Variants in NDST3 observed in about 807,000 individuals in gnomAD.
NDST3 encodes bifunctional heparan sulfate N-deacetylase/N-sulfotransferase 3.
In NDST3, 58 loss-of-function variants were observed where a neutral mutation model predicts 96.1. The ratio of observed to expected loss-of-function variants is 0.60; its 90% CI spans 0.49 to 0.75. NDST3 has a LOEUF of 0.75. Among genes scored for constraint, NDST3 ranks in the 30% least tolerant of loss-of-function variants. The pLI is 0.00. For missense variants in NDST3, 788 were observed against 1,034.2 expected, an observed-to-expected ratio of 0.76 and a Z score of 3.27; for synonymous variants, 333 against 359.7, an observed-to-expected ratio of 0.93 and a Z score of 0.84.
At chr4:118,212,359 C>A (rs189544120) in intron 6 of NDST3, among the ~76,000 whole-genome samples, 14 of 151,936 alleles carry the variant, frequency 9.2e-5, no homozygotes, top group Non-Finnish European at 1.9e-4. Context: ...AGCAACATGG[C>A]GAAACCCCAT....
intron 6 of NDST3, among the ~76,000 whole-genome samples, chr4:118,152,863 C>G (rs562241861): frequency 3.0e-4 from 45 of 152,342 alleles, no homozygotes; most frequent in Middle Eastern, 3.4e-3. Flanking sequence ...ACTGCCTCGT[C>G]CGCTGGATTC....
intron 12 of NDST3, among the ~76,000 whole-genome samples, chr4:118,250,201 A>G (rs1741598677): frequency 1.3e-5 from 2 of 152,218 alleles, no homozygotes; most frequent in Non-Finnish European, 2.9e-5. Flanking sequence ...GCATTCGAGT[A>G]AAAACCTAGA....
chr4:118,241,999 A>G (rs2126007314), intron 11 of NDST3, 41 bp from the exon 12 acceptor site: 4 of 1,399,272 alleles, frequency 2.9e-6, no homozygotes, highest in Middle Eastern at 1.9e-4. Context: ...TACAGTTTAC[A>G]TGTCTTTTTT....
chr4:118,051,943 A>C (rs1477349646), intron 1 of NDST3, among the ~76,000 whole-genome samples: 1 of 152,146 alleles, frequency 6.6e-6, no homozygotes, highest in Non-Finnish European at 1.5e-5. Context: ...GTGGGAATGT[A>C]AACAAATTCA....
intron 11 of NDST3, among the ~76,000 whole-genome samples, chr4:118,241,421 A>G (rs1246082346): frequency 6.6e-6 from 1 of 152,230 alleles, no homozygotes; most frequent in African/African-American, 2.4e-5. Context: ...GTATGGATAG[A>G]CAAGACCTGC....
intron 6 of NDST3, 105 bp downstream of exon 6, chr4:118,143,789 G>A: frequency 7.9e-7 from 1 of 1,269,944 alleles, no homozygotes; most frequent in Non-Finnish European, 1.1e-6. Context: ...AAGCCAATAT[G>A]AAGTTCTAGC....
intron 3 of NDST3, among the ~76,000 whole-genome samples, chr4:118,111,187 A>T (rs1229824177): frequency 6.6e-6 from 1 of 152,294 alleles, no homozygotes; most frequent in Non-Finnish European, 1.5e-5. Context: ...GGAGAAGAGT[A>T]AAGGTTGAAA....
Position 118,242,161 on chromosome 4 carries a change from T to C in NDST3, c.2399+12T>C. 2.0e-6 allele frequency: 3 copies of C among 1,504,440 alleles called. No homozygotes were observed. Among genetic ancestry groups the C allele is most frequent in the Non-Finnish European group, 2.8e-6 (3 of 1,090,342 alleles). The allele number at this position is 1,504,440 out of a possible 1,614,324, so 93.2% of individuals were successfully genotyped here. A position where few individuals can be genotyped will look rare whatever the true frequency, so the allele number is the denominator to read the frequency against. ...TCAGAAGCTTTAACGTAAGTTTATA[T>C]TCTAATTAGTTTATTGACATTTCAG... On this transcript the variant is annotated intron_variant, in intron 12 of 13. Transcript: ENST00000296499.
intron 6 of NDST3, among the ~76,000 whole-genome samples, chr4:118,159,121 A>G (rs2125923242): frequency 6.6e-6 from 1 of 152,280 alleles, no homozygotes; most frequent in East Asian, 1.9e-4. Flanking sequence ...TACATTGAAC[A>G]TTTAGGCTTT....
intron 2 of NDST3, among the ~76,000 whole-genome samples, chr4:118,064,112 G>C (rs1352257230): frequency 1.3e-5 from 2 of 152,176 alleles, no homozygotes; most frequent in African/African-American, 4.8e-5. Context: ...CATAGTGACA[G>C]CATAGTGACA....
intron 6 of NDST3, among the ~76,000 whole-genome samples, chr4:118,156,385 T>A (rs867785345): frequency 1.3e-5 from 2 of 152,186 alleles, no homozygotes; most frequent in Non-Finnish European, 2.9e-5. Context: ...TTGCCTACAG[T>A]CCTATAATCA....
intron 8 of NDST3, among the ~76,000 whole-genome samples, chr4:118,228,841 C>T (rs917364228): frequency 1.1e-4 from 17 of 152,120 alleles, no homozygotes; most frequent in African/African-American, 3.4e-4. Flanking sequence ...GCATGTATTC[C>T]GTGTAGTCTT....
chr4:118,071,787 C>A (rs557055556), intron 2 of NDST3, among the ~76,000 whole-genome samples: 1 of 151,924 alleles, frequency 6.6e-6, no homozygotes, highest in African/African-American at 2.4e-5. Context: ...TCCAATAATA[C>A]GGTTGCAATG....
intron 6 of NDST3, among the ~76,000 whole-genome samples, chr4:118,201,666 CTA>C (rs1223381378): frequency 6.6e-6 from 1 of 151,998 alleles, no homozygotes; most frequent in Non-Finnish European, 1.5e-5. Context: ...TTCAAGCTCC[CTA>C]TAGATTCTGG....
intron 2 of NDST3, among the ~76,000 whole-genome samples, chr4:118,094,100 C>T (rs1469957872): frequency 6.6e-6 from 1 of 151,848 alleles, no homozygotes; most frequent in Non-Finnish European, 1.5e-5. Flanking sequence ...CTTAATACTA[C>T]CACACTGGCA....
At chr4:118,222,281 TC>T (rs1028270030) in intron 6 of NDST3, among the ~76,000 whole-genome samples, 29 of 151,964 alleles carry the variant, frequency 1.9e-4, no homozygotes, top group African/African-American at 7.0e-4. Flanking sequence ...TCTGTTTTTG[TC>T]AATTATGTTC....
intron 6 of NDST3, among the ~76,000 whole-genome samples, chr4:118,169,874 A>G (rs1417956949): frequency 2.0e-5 from 3 of 151,766 alleles, no homozygotes; most frequent in Non-Finnish European, 4.4e-5. Context: ...TGGTAACTAG[A>G]GCTGGAAAAC....
chr4:118,240,929 A>G (rs140985477), intron 11 of NDST3, among the ~76,000 whole-genome samples: 221 of 152,336 alleles, frequency 1.5e-3, no homozygotes, highest in African/African-American at 5.2e-3. Flanking sequence ...CTGATTGTAA[A>G]AAGCTTTGAA....
At chr4:118,144,351 T>G (rs1733791320) in intron 6 of NDST3, among the ~76,000 whole-genome samples, 1 of 152,010 alleles carries the variant, frequency 6.6e-6, no homozygotes, top group South Asian at 2.1e-4. Flanking sequence ...GGGCTAATTT[T>G]TTGTATTTTT....
Sources: gnomAD v4.1 joint callset for allele counts (sites outside exome capture counted in the v4.1 genomes callset) on GRCh38, gnomAD v4.1.1 for gene constraint, MANE v1.5 for transcripts, NCBI Gene and HGNC (gene_info 2026-07-23, HGNC 2026-07-21) for gene names.